Variants in NFASC observed in about 807,000 individuals in gnomAD.
The protein encoded by NFASC is neurofascin.
A neutral mutation model predicts 147.5 loss-of-function variants in NFASC; 43 were observed. The observed-to-expected ratio is 0.29, with a 90% confidence interval of 0.23 to 0.38. The LOEUF is 0.38. Among genes scored for constraint, NFASC ranks in the 10% least tolerant of loss-of-function variants. NFASC has a pLI of 1.00. For missense variants in NFASC, 1,320 were observed against 1,689.0 expected, an observed-to-expected ratio of 0.78 and a Z score of 3.83; for synonymous variants, 622 against 665.5, an observed-to-expected ratio of 0.93 and a Z score of 1.01.
intron 27 of NFASC, among the ~76,000 whole-genome samples, chr1:205,006,342 G>C (rs2096111053): frequency 6.6e-6 from 1 of 152,214 alleles, no homozygotes; most frequent in South Asian, 2.1e-4. Flanking sequence ...AGTATAATTG[G>C]AAACCAGGAC....
chr1:204,978,188 A>G (rs541589437), intron 17 of NFASC, among the ~76,000 whole-genome samples: 1 of 152,324 alleles, frequency 6.6e-6, no homozygotes, highest in East Asian at 1.9e-4. Context: ...AAGTCCTTCT[A>G]GTGACCATCT....
At chr1:205,000,885 C>A in intron 25 of NFASC, 1 of 485,288 alleles carries the variant, frequency 2.1e-6, no homozygotes, top group South Asian at 2.2e-5. Flanking sequence ...CCTATGTGGA[C>A]ACAGTCAGTT....
chr1:204,941,447 A>C (rs1011533948), intron 2 of NFASC, among the ~76,000 whole-genome samples: 3 of 152,068 alleles, frequency 2.0e-5, no homozygotes, highest in Non-Finnish European at 4.4e-5. Context: ...CTGGCTTCCT[A>C]ATTCTATCAA....
intron 26 of NFASC, among the ~76,000 whole-genome samples, chr1:205,001,533 G>A (rs539356398): frequency 2.6e-5 from 4 of 152,274 alleles, no homozygotes; most frequent in Admixed American, 1.3e-4. Context: ...CATGTCTGTG[G>A]AGGACCTGGG....
At chr1:204,960,444 C>T (rs927060974) in intron 8 of NFASC, among the ~76,000 whole-genome samples, 3 of 152,162 alleles carry the variant, frequency 2.0e-5, no homozygotes, top group African/African-American at 7.2e-5. Context: ...CTGTGGTAAG[C>T]GAGGAGGGTC....
intron 25 of NFASC, chr1:204,998,131 G>A (rs1361963310): frequency 6.5e-6 from 1 of 153,146 alleles, no homozygotes. Context: ...CTGGTACGCT[G>A]AGCCACGAGA....
At chr1:204,932,143 T>A (rs1477605383) in intron 2 of NFASC, among the ~76,000 whole-genome samples, 1 of 152,174 alleles carries the variant, frequency 6.6e-6, no homozygotes, top group African/African-American at 2.4e-5. Flanking sequence ...GGGTCAGGTT[T>A]ACCCTATATT....
At chr1:204,970,840 GA>G in intron 11 of NFASC, 93 bp downstream of exon 11, 1 of 1,503,122 alleles carries the variant, frequency 6.7e-7, no homozygotes, top group South Asian at 1.2e-5. Context: ...GGTCACACTA[GA>G]AGTTCAGGAA....
chr1:204,834,067 G>T (rs746293582), intron 1 of NFASC, among the ~76,000 whole-genome samples: 30 of 152,124 alleles, frequency 2.0e-4, no homozygotes, highest in Non-Finnish European at 3.2e-4. Flanking sequence ...GAAGCAGAGG[G>T]TATTCTAGAT....
chr1:204,973,579 A>C (rs1325796014), intron 12 of NFASC, among the ~76,000 whole-genome samples, 160 bp downstream of exon 12: 1 of 152,160 alleles, frequency 6.6e-6, no homozygotes, highest in Non-Finnish European at 1.5e-5. Flanking sequence ...GATGGGAAAA[A>C]ATTTGTGAGA....
intron 11 of NFASC, among the ~76,000 whole-genome samples, chr1:204,971,763 T>C (rs1439727430): frequency 6.6e-6 from 1 of 152,228 alleles, no homozygotes; most frequent in Non-Finnish European, 1.5e-5. Flanking sequence ...CAGCTAGTAC[T>C]GAACCTAGTT....
chr1:204,882,823 A>T (rs1475451848), intron 1 of NFASC, among the ~76,000 whole-genome samples: 1 of 152,134 alleles, frequency 6.6e-6, no homozygotes, highest in Non-Finnish European at 1.5e-5. Flanking sequence ...TTGCAATTCT[A>T]ATTTGAAATT....
In NFASC at chr1:204,859,517, G is replaced by A. The variant is rs567513454; in HGVS notation, c.-200+30735G>A. Among the ~76,000 whole-genome samples the A allele has an allele frequency of 2.0e-5, 3 of 152,320 alleles. No individual in the cohort carries two copies. The South Asian group carries it at 6.2e-4, about 32-fold the overall frequency. On this transcript the variant is annotated intron_variant, in intron 1 of 29. Transcript: ENST00000339876. The stretch of plus-strand genomic sequence containing the variant: ...GGGATTCTGTCCTTAGTGCCACATA[G>A]TGGGTGCCCAGTAAATTATCTGTGC...
intron 1 of NFASC, among the ~76,000 whole-genome samples, chr1:204,879,161 A>G (rs1210421580): frequency 6.6e-6 from 1 of 152,242 alleles, no homozygotes; most frequent in Non-Finnish European, 1.5e-5. Flanking sequence ...TTTGTAAATG[A>G]AATTTAAAAT....
intron 1 of NFASC, among the ~76,000 whole-genome samples, chr1:204,878,423 C>G (rs1167924791): frequency 6.6e-6 from 1 of 152,190 alleles, no homozygotes; most frequent in Admixed American, 6.5e-5. Context: ...TAATAACTCC[C>G]TGGTCTTGTA....
At chr1:204,884,675 A>G (rs1388903468) in intron 1 of NFASC, among the ~76,000 whole-genome samples, 1 of 152,148 alleles carries the variant, frequency 6.6e-6, no homozygotes, top group Non-Finnish European at 1.5e-5. Context: ...CCCCTCGCAC[A>G]TAGTACTGTT....
intron 1 of NFASC, among the ~76,000 whole-genome samples, chr1:204,850,633 T>C (rs7529113): frequency 0.21 from 31,433 of 152,102 alleles, 4,839 homozygotes; most frequent in East Asian, 0.53. Context: ...ATGGCACTTC[T>C]CCTTTGTGCG....
At chr1:204,948,416 T>C (rs533709824) in intron 3 of NFASC, among the ~76,000 whole-genome samples, 75 of 152,304 alleles carry the variant, frequency 4.9e-4, no homozygotes, top group Non-Finnish European at 8.8e-4. Context: ...CTTGGCCTGA[T>C]AGTATGGGGG....
At chr1:204,900,593 CAG>C (rs1487401716) in intron 1 of NFASC, among the ~76,000 whole-genome samples, 2 of 152,064 alleles carry the variant, frequency 1.3e-5, no homozygotes, top group Admixed American at 6.6e-5. Context: ...AGACAGATAA[CAG>C]GGAAAATAAG....
Sources: allele counts gnomAD v4.1 joint callset (sites outside exome capture counted in the v4.1 genomes callset), GRCh38; gene constraint gnomAD v4.1.1; transcripts MANE v1.5; gene names NCBI Gene and HGNC (gene_info 2026-07-23, HGNC 2026-07-21).